Variants in CCDC60 observed in about 807,000 individuals in gnomAD.
The protein encoded by CCDC60 is coiled-coil domain-containing protein 60.
Under a neutral mutation model 63.5 loss-of-function variants are expected in CCDC60, and 54 were observed. The observed-to-expected ratio is 0.85, with a 90% CI of 0.68 to 1.07. The LOEUF is 1.07. Among genes scored for constraint, CCDC60 ranks in the 50% least tolerant of loss-of-function variants. The pLI is 0.00. For synonymous variants in CCDC60, 206 were observed against 238.8 expected (o/e 0.86, Z 1.27); for missense variants, 651 against 684.3 (o/e 0.95, Z 0.54).
intron 1 of CCDC60, among the ~76,000 whole-genome samples, chr12:119,363,637 T>G (rs1955813479): frequency 6.6e-6 from 1 of 152,174 alleles, no homozygotes. Flanking sequence ...CATTCATACA[T>G]TTGCTCCATC....
Position 119,540,747 on chromosome 12 carries a change from G to A in CCDC60, c.*32G>A. On this transcript the variant is annotated 3_prime_UTR_variant, in exon 14 of 14. Coordinates refer to ENST00000327554, the MANE Select transcript of CCDC60 (RefSeq NM_178499.5). ...CCTGGGTTGACCAGCTGTCTCAGTG[G>A]AGGAGTGTTTGCCTATATCATGTTC... 1.4e-6 allele frequency: 2 copies of A among 1,467,926 alleles called. No homozygotes were observed. Among genetic ancestry groups the A allele is most frequent in the Non-Finnish European group, 1.9e-6 (2 of 1,050,316 alleles). 90.9% of individuals were successfully genotyped at this position (1,467,926 alleles called of 1,614,324 possible).
intron 2 of CCDC60, among the ~76,000 whole-genome samples, chr12:119,433,197 G>A (rs997559316): frequency 2.0e-5 from 3 of 152,136 alleles, no homozygotes; most frequent in South Asian, 2.1e-4. Context: ...CACGGGGGAC[G>A]TGCCCCAAGA....
At chr12:119,477,950 A>AAGAG (rs942147403) in intron 3 of CCDC60, among the ~76,000 whole-genome samples, 1 of 151,810 alleles carries the variant, frequency 6.6e-6, no homozygotes, top group African/African-American at 2.4e-5. Context: ...GAGAGAGAGA[A>AAGAG]AGAGAGAGAA....
In CCDC60 at chr12:119,334,807, TG is replaced by T. The variant is rs1168648725; in HGVS notation, c.-367del. 6.5e-6 allele frequency: 1 copy of T among 154,672 alleles called. No individual in the cohort carries two copies. The highest frequency in any genetic ancestry group is 2.4e-5 in the African/African-American group (1 of 41,536). The allele number at this position is 154,672 out of a possible 1,614,324, so 9.6% of individuals were successfully genotyped here. A position where few individuals can be genotyped will look rare whatever the true frequency, so the allele number is the denominator to read the frequency against. On this transcript the variant is annotated 5_prime_UTR_variant, in exon 1 of 14. It introduces an in-frame stop codon into an upstream open reading frame of the 5' UTR. Transcript: ENST00000327554. ...GGATGGCGATCTGGGAGCCCCTCCATGGGACCCCTCTCACACTTTGTCACTG... is the reference window on the plus strand; with the variant it reads ...GGATGGCGATCTGGGAGCCCCTCCATGGACCCCTCTCACACTTTGTCACTG...
intron 1 of CCDC60, among the ~76,000 whole-genome samples, chr12:119,362,239 T>G (rs1217274506): frequency 6.6e-6 from 1 of 152,192 alleles, no homozygotes; most frequent in Non-Finnish European, 1.5e-5. Context: ...TCAGCCCCTT[T>G]TAAATTTGAG....
rs1290444284 is a variant in CCDC60 at position 119,354,053 on chromosome 12, GCTCT to G, written c.90+18794_90+18797del. 5.1e-5 allele frequency among the ~76,000 whole-genome samples: 6 copies of G among 118,388 alleles called. No homozygotes were observed. In the East Asian group the frequency reaches 1.2e-3, roughly 24 times the overall value. The allele number at this position is 118,388 out of a possible 152,430, so 77.7% of individuals were successfully genotyped here. A position where few individuals can be genotyped will look rare whatever the true frequency, so the allele number is the denominator to read the frequency against. On this transcript the variant is annotated intron_variant, in intron 1 of 13. Coordinates refer to ENST00000327554, the MANE Select transcript of CCDC60 (RefSeq NM_178499.5). The stretch of plus-strand genomic sequence containing the variant: ...CTAGCTATCTGCTCTCTCCCTGCTT[GCTCT>G]CTCTCTTTCTCTCTCTCTCTCGTCT...
rs375868751 is a variant in CCDC60, at chr12:119,405,657, G to A, written c.91-23026G>A. On this transcript the variant is annotated intron_variant, in intron 1 of 13. Coordinates refer to ENST00000327554, the MANE Select transcript of CCDC60 (RefSeq NM_178499.5). Reference sequence around the variant, plus strand: ...CTTGATGCCATCCCTCAGGGCAGCCGTGTCTAACACTTTTTGCTACTTCCT... The same window carrying A: ...CTTGATGCCATCCCTCAGGGCAGCCATGTCTAACACTTTTTGCTACTTCCT... Among the ~76,000 whole-genome samples, 19 of 152,288 alleles carry A rather than the reference G, an allele frequency of 1.2e-4. No individual in the cohort carries two copies. In the East Asian group the frequency reaches 2.3e-3, roughly 19 times the overall value.
intron 1 of CCDC60, among the ~76,000 whole-genome samples, chr12:119,411,772 A>T (rs1486769422): frequency 6.6e-6 from 1 of 152,004 alleles, no homozygotes; most frequent in Non-Finnish European, 1.5e-5. Context: ...ATCTCTTTCC[A>T]TCCAAAATAC....
In CCDC60 at chr12:119,518,274, C is replaced by T. The variant is rs114702415; in HGVS notation, c.968+1567C>T. Among the ~76,000 whole-genome samples the T allele has an allele frequency of 2.0e-3, 298 of 152,288 alleles. 1 individual carries two copies. In the Middle Eastern group the frequency reaches 0.027, roughly 14 times the overall value. On this transcript the variant is annotated intron_variant, in intron 8 of 13. Transcript: ENST00000327554. ...ATGAGGCTCCTTCCTTTGTAAGAACCCACAGCACAAGCACTGGCTTTGGAG... is the reference window on the plus strand; with the variant it reads ...ATGAGGCTCCTTCCTTTGTAAGAACTCACAGCACAAGCACTGGCTTTGGAG...
chr12:119,522,223 G>A (rs1186102523), intron 9 of CCDC60, among the ~76,000 whole-genome samples: 1 of 152,194 alleles, frequency 6.6e-6, no homozygotes, highest in Non-Finnish European at 1.5e-5. Flanking sequence ...CTAGACAATG[G>A]TGCTGAAAGC....
intron 1 of CCDC60, among the ~76,000 whole-genome samples, chr12:119,424,685 A>C (rs2136225665): frequency 6.6e-6 from 1 of 152,218 alleles, no homozygotes; most frequent in Admixed American, 6.5e-5. Context: ...ATTATTTTTC[A>C]CTTAATATCA....
chr12:119,419,594 C>T (rs1225061651), intron 1 of CCDC60, among the ~76,000 whole-genome samples: 2 of 152,172 alleles, frequency 1.3e-5, no homozygotes, highest in Non-Finnish European at 2.9e-5. Flanking sequence ...GACTGTGATG[C>T]ATTCATCTTC....
intron 2 of CCDC60, among the ~76,000 whole-genome samples, chr12:119,464,532 A>C (rs1950917293): frequency 6.6e-6 from 1 of 152,182 alleles, no homozygotes; most frequent in Non-Finnish European, 1.5e-5. Flanking sequence ...CAACCAGCTG[A>C]ATAGACCCTC....
chr12:119,474,081 C>T (rs571002731), intron 3 of CCDC60, among the ~76,000 whole-genome samples: 3 of 151,978 alleles, frequency 2.0e-5, no homozygotes, highest in African/African-American at 4.8e-5. Flanking sequence ...TTTACATTCC[C>T]GAAAAAAAGT....
intron 1 of CCDC60, among the ~76,000 whole-genome samples, chr12:119,421,939 C>T (rs1489373088): frequency 1.3e-5 from 2 of 152,208 alleles, no homozygotes; most frequent in Non-Finnish European, 2.9e-5. Flanking sequence ...CCATCCCCAT[C>T]TAAGAGTCCA....
intron 3 of CCDC60, among the ~76,000 whole-genome samples, chr12:119,472,435 A>C (rs536852252): frequency 2.0e-5 from 3 of 152,062 alleles, no homozygotes; most frequent in African/African-American, 7.2e-5. Flanking sequence ...CACCTCCTGC[A>C]CCCATTTGCA....
chr12:119,523,930 C>A, intron 11 of CCDC60, 112 bp downstream of exon 11: 1 of 1,157,548 alleles, frequency 8.6e-7, no homozygotes, highest in Non-Finnish European at 1.2e-6. Context: ...AACTTGTTCT[C>A]TGTCCTCAGG....
In CCDC60 at chr12:119,540,796, C is replaced by T. The variant is rs1207456282; in HGVS notation, c.*81C>T. On this transcript the variant is annotated 3_prime_UTR_variant, in exon 14 of 14. Transcript: ENST00000327554. ...TCCTGTATCCTGCCTGTGTTCCTGC[C>T]TCCTGACTACCCTCATGGATGCTCT... is the stretch of plus-strand genomic sequence containing the variant. 1.1e-6 allele frequency: 1 copy of T among 947,670 alleles called. No individual in the cohort carries two copies. The highest frequency in any genetic ancestry group is 1.7e-6 in the Non-Finnish European group (1 of 599,024). 58.7% of individuals were successfully genotyped at this position (947,670 alleles called of 1,614,324 possible). A position where few individuals can be genotyped will look rare whatever the true frequency, so the allele number is the denominator to read the frequency against.
chr12:119,492,874 AT>A (rs1951621548), intron 5 of CCDC60, among the ~76,000 whole-genome samples: 1 of 152,198 alleles, frequency 6.6e-6, no homozygotes, highest in Non-Finnish European at 1.5e-5. Context: ...AAAAATCCCT[AT>A]TTTAAAGAGA....
Sources: allele counts gnomAD v4.1 joint callset (sites outside exome capture counted in the v4.1 genomes callset), GRCh38; gene constraint gnomAD v4.1.1; transcripts MANE v1.5; gene names NCBI Gene and HGNC (gene_info 2026-07-23, HGNC 2026-07-21).